CEP350: variants seen among roughly 807,000 people sequenced by gnomAD.
CEP350 encodes the protein centrosome-associated protein 350.
In CEP350, 126 loss-of-function variants were observed where a neutral mutation model predicts 331.8. The ratio of observed to expected loss-of-function variants is 0.38; its 90% CI spans 0.33 to 0.44. The LOEUF (loss-of-function observed/expected upper bound fraction) is 0.44, where lower values mean the gene tolerates loss of function less well. Among genes scored for constraint, CEP350 ranks in the 20% least tolerant of loss-of-function variants. The pLI, the probability that CEP350 is intolerant of heterozygous loss-of-function variation, is 1.00. For synonymous variants in CEP350, 1,200 were observed against 1,259.5 expected, an observed-to-expected ratio of 0.95 and a Z score of 1.00; for missense variants, 3,406 against 3,634.6, an observed-to-expected ratio of 0.94 and a Z score of 1.62.
At chr1:180,031,562 T>C (rs957759588) in intron 15 of CEP350, 68 bp downstream of exon 15, 1 of 799,568 alleles carries the variant, frequency 1.3e-6, no homozygotes, top group Non-Finnish European at 1.7e-6. Context: ...AAAAAATCCA[T>C]ATAATGAATT....
At chr1:180,051,060 C>G (rs534825606) in intron 22 of CEP350, among the ~76,000 whole-genome samples, 1 of 152,286 alleles carries the variant, frequency 6.6e-6, no homozygotes, top group South Asian at 2.1e-4. Flanking sequence ...AAACTTATGT[C>G]TACATAACAA....
rs1660369169 is a variant in CEP350 at position 180,094,478 on chromosome 1, T to C, written c.8373T>C (p.Asp2791=). 2 of 1,613,750 alleles carry C rather than the reference T, an allele frequency of 1.2e-6. No homozygotes were observed. Among genetic ancestry groups the C allele is most frequent in the Admixed American group, 1.7e-5 (1 of 59,982 alleles). Residue 2791 remains aspartate (D), a synonymous_variant, in exon 34 of 38, where the codon GAT becomes GAC. Coordinates refer to ENST00000367607, the MANE Select transcript of CEP350 (RefSeq NM_014810.5). ...TTAGCAATCAGGAGCTTCTTGGTGATGACCAAAAGAAAGTAACACCCCAAG... is the reference window on the plus strand; with the variant it reads ...TTAGCAATCAGGAGCTTCTTGGTGACGACCAAAAGAAAGTAACACCCCAAG... ...IQLSNQELLG[D]DQKKVTPQDL... is the part of the protein sequence containing the mutation.
intron 1 of CEP350, among the ~76,000 whole-genome samples, chr1:179,972,320 T>C (rs1332449412): frequency 6.6e-6 from 1 of 151,360 alleles, no homozygotes; most frequent in Non-Finnish European, 1.5e-5. Context: ...AACTTCAAGG[T>C]TTAAAAGGCA....
rs532518501 is a variant in CEP350, at chr1:179,992,082, T to A, written c.256T>A (p.Ser86Thr). Reference sequence around the variant, plus strand: ...TTCAGATGGTAGATACCTGGATGATTCTTGGGTTAATGCTCCAATCTCCAA... The same window carrying A: ...TTCAGATGGTAGATACCTGGATGATACTTGGGTTAATGCTCCAATCTCCAA... The part of the protein sequence containing the change: ...SRKDGRYLDD[S>T]WVNAPISKST... Residue 86 changes from serine (S) to threonine (T), a missense_variant, in exon 5 of 38, where the codon TCT (serine) becomes ACT (threonine). By Grantham distance (58) the Ser-to-Thr change is moderately conservative. Around this residue, in one of 5 missense-constraint regions of CEP350, gnomAD observed 1,857 missense variants for 1,909.2 expected, o/e 0.97. Transcript: ENST00000367607. 1 of 1,550,444 alleles carries A rather than the reference T, an allele frequency of 6.4e-7. No homozygotes were observed. The highest frequency in any genetic ancestry group is 2.4e-5 in the East Asian group (1 of 41,562).
chr1:180,014,542 T>G (rs1337804699), intron 10 of CEP350, 37 bp downstream of exon 10: 1 of 1,525,008 alleles, frequency 6.6e-7, no homozygotes. Context: ...GAGTCATTCA[T>G]GGTTAGGAAA....
chr1:180,106,125 C>T (rs891026815), intron 37 of CEP350, among the ~76,000 whole-genome samples: 81 of 152,058 alleles, frequency 5.3e-4, no homozygotes, highest in African/African-American at 1.8e-3. Context: ...ATTAGAGCAC[C>T]GTTTGTATAA....
chr1:179,955,412 T>C (rs1214635019), intron 1 of CEP350, among the ~76,000 whole-genome samples: 1 of 152,196 alleles, frequency 6.6e-6, no homozygotes, highest in Non-Finnish European at 1.5e-5. Context: ...TCCTCTAGCC[T>C]GCAGAGGTAA....
At position 179,992,220 on chromosome 1, in the gene CEP350, A is replaced by G. The variant is rs761716115; in HGVS notation, c.394A>G (p.Arg132Gly). The G allele has an allele frequency of 1.3e-6, 2 of 1,483,964 alleles. No individual in the cohort carries two copies. Among genetic ancestry groups the G allele is most frequent in the Non-Finnish European group, 8.9e-7 (1 of 1,125,188 alleles). The allele number at this position is 1,483,964 out of a possible 1,614,324, so 91.9% of individuals were successfully genotyped here. Residue 132 changes from arginine to glycine, a missense_variant and splice_region_variant, in exon 5 of 38, where the codon AGG (arginine) becomes GGG (glycine). Physicochemically the swap from Arg to Gly is moderately radical, Grantham distance 125. Coordinates refer to ENST00000367607, the MANE Select transcript of CEP350 (RefSeq NM_014810.5). The stretch of plus-strand genomic sequence containing the variant: ...ATTTCGTGAACCTTTGGTTTCTTAT[A>G]GGTTAGTATTGAGAAAAAAAAAAGG... ...VEFREPLVSY[R>G]EIHGAPSNFS...
chr1:180,053,942 C>G lies in CEP350; in HGVS notation c.5174+8C>G, dbSNP rs370667259. The G allele has an allele frequency of 1.3e-6, 2 of 1,528,610 alleles. No individual in the cohort carries two copies. Among genetic ancestry groups the G allele is most frequent in the Non-Finnish European group, 1.8e-6 (2 of 1,136,420 alleles). The allele number at this position is 1,528,610 out of a possible 1,614,324, so 94.7% of individuals were successfully genotyped here. A position where few individuals can be genotyped will look rare whatever the true frequency, so the allele number is the denominator to read the frequency against. ...GTTAGAGCATCAAAAAAAGTAAGTT[C>G]TTTTGAGCAGTTTTCACTAATTTCT... On this transcript the variant is annotated splice_region_variant and intron_variant, in intron 24 of 37. Coordinates refer to ENST00000367607, the MANE Select transcript of CEP350 (RefSeq NM_014810.5).
chr1:180,077,945 C>T (rs548679068), intron 28 of CEP350, among the ~76,000 whole-genome samples: 11 of 152,108 alleles, frequency 7.2e-5, no homozygotes, highest in South Asian at 4.1e-4. Context: ...CCAGCCTGGC[C>T]GCCATGGTGA....
intron 22 of CEP350, among the ~76,000 whole-genome samples, chr1:180,049,411 T>G (rs1246207496): frequency 1.3e-5 from 2 of 152,204 alleles, no homozygotes; most frequent in Non-Finnish European, 2.9e-5. Context: ...TGACTTTAAT[T>G]TCTTTAAACA....
intron 29 of CEP350, among the ~76,000 whole-genome samples, chr1:180,079,340 T>C (rs1659422918): frequency 6.6e-6 from 1 of 151,930 alleles, no homozygotes; most frequent in Non-Finnish European, 1.5e-5. Context: ...AAAAAAGATC[T>C]GCCCAAATTC....
intron 37 of CEP350, among the ~76,000 whole-genome samples, chr1:180,100,985 G>A (rs1431861913): frequency 2.0e-5 from 3 of 152,168 alleles, no homozygotes; most frequent in Non-Finnish European, 2.9e-5. Context: ...AACCATATCA[G>A]TACCCTGACA....
At chr1:180,018,026 G>T (rs888813872) in intron 11 of CEP350, among the ~76,000 whole-genome samples, 75 of 152,150 alleles carry the variant, frequency 4.9e-4, no homozygotes, top group African/African-American at 1.8e-3. Flanking sequence ...TTAATTTGGA[G>T]ACAGGGTCTT....
chr1:179,978,467 A>G (rs1268378093), intron 1 of CEP350, among the ~76,000 whole-genome samples: 2 of 152,092 alleles, frequency 1.3e-5, no homozygotes, highest in Non-Finnish European at 2.9e-5. Context: ...CTACAGTGCT[A>G]TAGAACACTA....
At position 180,021,083 on chromosome 1, in the gene CEP350, G is replaced by A. The variant is rs992268551; in HGVS notation, c.3235+74G>A. 19 of 1,289,540 alleles carry A rather than the reference G, an allele frequency of 1.5e-5. No individual in the cohort carries two copies. The African/African-American group carries it at 2.5e-4, about 17-fold the overall frequency. 79.9% of individuals were successfully genotyped at this position (1,289,540 alleles called of 1,614,324 possible). ...ATTTTATAATTTCTGTATGAGATAT[G>A]TACTTTAGTACACATTTTTCGTTGA... On this transcript the variant is annotated intron_variant, in intron 12 of 37. Coordinates refer to ENST00000367607, the MANE Select transcript of CEP350 (RefSeq NM_014810.5).
At chr1:180,080,476 A>T (rs761606714) in intron 29 of CEP350, 41 bp from the exon 30 acceptor site, 4 of 1,568,670 alleles carry the variant, frequency 2.5e-6, no homozygotes, top group Non-Finnish European at 3.5e-6. Flanking sequence ...TTTTACAATT[A>T]TATCAAAAAA....
Position 180,098,981 on chromosome 1 carries a change from T to G in CEP350, c.9185T>G (p.Ile3062Ser). 1 of 1,613,142 alleles carries G rather than the reference T, an allele frequency of 6.2e-7. No homozygotes were observed. The highest frequency in any genetic ancestry group is 8.5e-7 in the Non-Finnish European group (1 of 1,179,566). ...AAGAAAAGAGACCGAGTGGATCATA[T>G]CCTGGTCAGTGTATACAACCAAACT... is the stretch of plus-strand genomic sequence containing the variant. The part of the protein sequence containing the change: ...GRKKRDRVDH[I>S]LVQELHEEEA... The change falls in exon 37 of 38, where the codon ATC becomes AGC. Residue 3062 changes from isoleucine to serine, a missense_variant. By Grantham distance (142) the Ile-to-Ser change is moderately radical. Coordinates refer to ENST00000367607, the MANE Select transcript of CEP350 (RefSeq NM_014810.5).
At chr1:180,060,416 A>G (rs1658123365) in intron 25 of CEP350, among the ~76,000 whole-genome samples, 2 of 152,220 alleles carry the variant, frequency 1.3e-5, no homozygotes, top group Non-Finnish European at 2.9e-5. Flanking sequence ...TGGGAGGCCA[A>G]AGACAGATCA....
Sources: allele counts gnomAD v4.1 joint callset (sites outside exome capture counted in the v4.1 genomes callset), GRCh38; gene constraint gnomAD v4.1.1; regional missense constraint gnomAD v4.1.1; transcripts MANE v1.5; gene names NCBI Gene and HGNC (gene_info 2026-07-23, HGNC 2026-07-21).